The following ATF6 variants were observed in gnomAD, a reference collection of about 807,000 sequenced individuals.
The protein encoded by ATF6 is cyclic AMP-dependent transcription factor ATF-6 alpha.
ATF6 carries 53 observed loss-of-function variants against 83.6 expected under a neutral mutation model. That is an observed-to-expected ratio of 0.63 (90% CI 0.51 to 0.80). The LOEUF (loss-of-function observed/expected upper bound fraction) is 0.80, where lower values mean the gene tolerates loss of function less well. Ranked by LOEUF, ATF6 falls within the 30% of genes least tolerant of loss-of-function variation. The pLI, the probability that ATF6 is intolerant of heterozygous loss-of-function variation, is 0.00. For missense variants in ATF6, 744 were observed against 797.9 expected (o/e 0.93, Z 0.81); for synonymous variants, 288 against 285.8 (o/e 1.01, Z -0.08).
At chr1:161,905,945 G>T (rs985500141) in intron 14 of ATF6, among the ~76,000 whole-genome samples, 3 of 152,054 alleles carry the variant, frequency 2.0e-5, no homozygotes, top group Non-Finnish European at 4.4e-5. Flanking sequence ...CCATTCTCCT[G>T]CCTCAGCCTC....
intron 1 of ATF6, among the ~76,000 whole-genome samples, chr1:161,766,746 GC>G (rs1283660076): frequency 6.6e-6 from 1 of 152,228 alleles, no homozygotes; most frequent in African/African-American, 2.4e-5. Flanking sequence ...GAGGTTTAGA[GC>G]AAAATGGCTG....
intron 15 of ATF6, among the ~76,000 whole-genome samples, chr1:161,934,097 G>C (rs1688487482): frequency 6.6e-6 from 1 of 152,158 alleles, no homozygotes; most frequent in Non-Finnish European, 1.5e-5. Flanking sequence ...TGGATGAGTG[G>C]GGGCCACAAT....
chr1:161,933,831 C>T (rs1173109608), intron 15 of ATF6, among the ~76,000 whole-genome samples: 5 of 152,342 alleles, frequency 3.3e-5, no homozygotes, highest in Admixed American at 3.3e-4. Context: ...TGCTCCTCCC[C>T]ATGTTGATGC....
rs1491099249 is a variant in ATF6, at chr1:161,811,786, T to TA, written c.910-7847_910-7846insA. ...ATCCATCCATCCATCCATCCATCCA[T>TA]CCATATACACACACAATTTTTTTCC... On this transcript the variant is annotated intron_variant, in intron 7 of 15. Transcript: ENST00000367942. Among the ~76,000 whole-genome samples the TA allele has an allele frequency of 3.5e-4, 52 of 148,578 alleles. 1 individual carries two copies. The highest frequency in any genetic ancestry group is 1.4e-3 in the East Asian group (7 of 5,162).
intron 1 of ATF6, among the ~76,000 whole-genome samples, chr1:161,777,896 A>T (rs911764955): frequency 6.6e-6 from 1 of 152,144 alleles, no homozygotes; most frequent in South Asian, 2.1e-4. Context: ...GTTGTCTCCT[A>T]TTACTTATGA....
At chr1:161,852,443 G>C (rs1466431755) in intron 11 of ATF6, among the ~76,000 whole-genome samples, 2 of 152,020 alleles carry the variant, frequency 1.3e-5, no homozygotes, top group African/African-American at 4.8e-5. Context: ...CCAGGCAATT[G>C]AGTTCATTCT....
At chr1:161,942,642 T>C (rs1477472206) in intron 15 of ATF6, among the ~76,000 whole-genome samples, 2 of 152,208 alleles carry the variant, frequency 1.3e-5, no homozygotes, top group African/African-American at 4.8e-5. Context: ...TCATATTTAA[T>C]CCTTAAGAAC....
At chr1:161,826,772 G>C (rs1685910657) in intron 9 of ATF6, among the ~76,000 whole-genome samples, 1 of 152,054 alleles carries the variant, frequency 6.6e-6, no homozygotes, top group Admixed American at 6.6e-5. Context: ...TAAAAACCAA[G>C]AACTATTTCT....
At chr1:161,805,628 A>G (rs904585221) in intron 7 of ATF6, among the ~76,000 whole-genome samples, 3 of 152,176 alleles carry the variant, frequency 2.0e-5, no homozygotes, top group South Asian at 2.1e-4. Context: ...ATCAGCTTGT[A>G]TAGCCTTCTG....
intron 7 of ATF6, among the ~76,000 whole-genome samples, chr1:161,804,404 T>G (rs1443710686): frequency 6.6e-6 from 1 of 151,944 alleles, no homozygotes; most frequent in African/African-American, 2.4e-5. Context: ...CAGAAAAGCA[T>G]AGCTAGGATG....
At chr1:161,824,210 A>G (rs1159654417) in intron 9 of ATF6, among the ~76,000 whole-genome samples, 2 of 151,954 alleles carry the variant, frequency 1.3e-5, no homozygotes, top group South Asian at 2.1e-4. Context: ...CTCTTCCTCA[A>G]ACACTCTAAG....
At chr1:161,847,189 C>A (rs1477974185) in intron 10 of ATF6, among the ~76,000 whole-genome samples, 1 of 152,086 alleles carries the variant, frequency 6.6e-6, no homozygotes, top group African/African-American at 2.4e-5. Flanking sequence ...ATAAACATTT[C>A]CCTGTGTTAT....
At chr1:161,882,687 G>A (rs1300532475) in intron 14 of ATF6, among the ~76,000 whole-genome samples, 1 of 148,548 alleles carries the variant, frequency 6.7e-6, no homozygotes, top group Non-Finnish European at 1.5e-5. Flanking sequence ...GAGAAATTAA[G>A]TTTTAGTGGG....
rs567386561 is a variant in ATF6 at position 161,845,349 on chromosome 1, A to G, written c.1188-1100A>G. ...GAATCTTTTGTGCTTCTCTAGGGAG[A>G]TTCCCTTTGTGTTGAATTTTATGAG... On this transcript the variant is annotated intron_variant, in intron 9 of 15. Coordinates refer to ENST00000367942, the MANE Select transcript of ATF6 (RefSeq NM_007348.4). Among the ~76,000 whole-genome samples, 6 of 152,102 alleles carry G rather than the reference A, an allele frequency of 3.9e-5. No individual in the cohort carries two copies. In the South Asian group the frequency reaches 6.2e-4, roughly 16 times the overall value.
chr1:161,823,788 T>C (rs1004392651), intron 9 of ATF6, among the ~76,000 whole-genome samples: 1 of 152,184 alleles, frequency 6.6e-6, no homozygotes, highest in South Asian at 2.1e-4. Flanking sequence ...AGGGAGAACT[T>C]TGCAGACTTT....
chr1:161,848,993 T>A (rs904323534), intron 10 of ATF6, among the ~76,000 whole-genome samples: 4 of 152,178 alleles, frequency 2.6e-5, no homozygotes, highest in Admixed American at 2.6e-4. Flanking sequence ...TTAGCACAGA[T>A]GTGCAGAAAT....
At chr1:161,903,047 T>C (rs1432177643) in intron 14 of ATF6, among the ~76,000 whole-genome samples, 5 of 152,164 alleles carry the variant, frequency 3.3e-5, no homozygotes, top group Non-Finnish European at 2.9e-5. Flanking sequence ...TGATAACTCA[T>C]ACCTTTTAAT....
In ATF6 at chr1:161,865,941, A is replaced by T. The variant is rs1460718277; in HGVS notation, c.1719+2629A>T. 1.7e-4 allele frequency among the ~76,000 whole-genome samples: 25 copies of T among 151,350 alleles called. No homozygotes were observed. The Admixed American group carries it at 1.7e-3, about 10-fold the overall frequency. The stretch of plus-strand genomic sequence containing the variant: ...TCTTTTTGCTCTTGCTGAAATGAAA[A>T]TGAAATAATAAATTACCTCATGCTT... On this transcript the variant is annotated intron_variant, in intron 14 of 15. Transcript: ENST00000367942.
chr1:161,817,578 ATTC>A (rs1685643416), intron 7 of ATF6, among the ~76,000 whole-genome samples: 3 of 152,104 alleles, frequency 2.0e-5, no homozygotes, highest in Admixed American at 2.0e-4. Context: ...TGAGATAGTT[ATTC>A]TTCAGGGAAA....
Sources: gnomAD v4.1 joint callset for allele counts (sites outside exome capture counted in the v4.1 genomes callset) on GRCh38, gnomAD v4.1.1 for gene constraint, MANE v1.5 for transcripts, NCBI Gene and HGNC (gene_info 2026-07-23, HGNC 2026-07-21) for gene names.